CDH22: variants seen among roughly 807,000 people sequenced by gnomAD.
The protein encoded by CDH22 is cadherin-22.
CDH22 carries 30 observed loss-of-function variants against 58.4 expected under a neutral mutation model. The observed-to-expected ratio is 0.51, with a 90% CI of 0.38 to 0.70. The LOEUF (loss-of-function observed/expected upper bound fraction) is 0.70, where lower values mean the gene tolerates loss of function less well. Ranked by LOEUF, CDH22 falls within the 30% of genes least tolerant of loss-of-function variation. The pLI is 0.00. For synonymous variants in CDH22, 513 were observed against 558.2 expected, an observed-to-expected ratio of 0.92 and a Z score of 1.14; for missense variants, 1,014 against 1,233.9, an observed-to-expected ratio of 0.82 and a Z score of 2.67.
At chr20:46,189,572 G>A (rs1452685140) in intron 8 of CDH22, among the ~76,000 whole-genome samples, 4 of 152,272 alleles carry the variant, frequency 2.6e-5, no homozygotes, top group East Asian at 1.9e-4. Flanking sequence ...TGAGTGATCC[G>A]CTCCTGGATG....
intron 2 of CDH22, among the ~76,000 whole-genome samples, chr20:46,245,757 C>A (rs887113316): frequency 1.3e-5 from 2 of 152,192 alleles, no homozygotes; most frequent in African/African-American, 4.8e-5. Flanking sequence ...TACAGATGGA[C>A]AGTCGCTGGG....
At chr20:46,184,211 G>A (rs2085809153) in intron 10 of CDH22, among the ~76,000 whole-genome samples, 1 of 151,728 alleles carries the variant, frequency 6.6e-6, no homozygotes, top group South Asian at 2.1e-4. Flanking sequence ...CAATTCTCCT[G>A]CCTCAGCCTC....
chr20:46,242,628 G>A (rs2086300009), intron 2 of CDH22, among the ~76,000 whole-genome samples: 1 of 152,180 alleles, frequency 6.6e-6, no homozygotes, highest in East Asian at 1.9e-4. Flanking sequence ...GGCCAGGCAG[G>A]AACCCTTCAG....
At position 46,229,065 on chromosome 20, in the gene CDH22, T is replaced by A. The variant is rs144762837; in HGVS notation, c.551-1438A>T. Among the ~76,000 whole-genome samples the A allele has an allele frequency of 2.6e-5, 4 of 152,244 alleles. No individual in the cohort carries two copies. The East Asian group carries it at 7.7e-4, about 29-fold the overall frequency. On this transcript the variant is annotated intron_variant, in intron 3 of 11. Coordinates refer to ENST00000537909, the MANE Select transcript of CDH22 (RefSeq NM_021248.3). ...TCTCTTTGGCCACTCCAGCTCCATG[T>A]CAACCATGTCAGAGTTGACCAGAGA... is the stretch of plus-strand genomic sequence containing the variant.
chr20:46,210,534 C>T lies in CDH22; in HGVS notation c.1059G>A (p.Val353=). The change falls in exon 7 of 12, where the codon GTG becomes GTA. Residue 353 remains valine (V), a synonymous_variant. Coordinates refer to ENST00000537909, the MANE Select transcript of CDH22 (RefSeq NM_021248.3). This position sits in a 1 kb window ranked among gnomAD's most constrained non-coding sequence, Gnocchi z 4.5. ...TGAGGGCCTCCAGGATCACGGTGTG[C>T]ACGGGCTGGGATTCGAAGTCCAGGC... ...QKRLDFESQP[V]HTVILEALNK... is the part of the protein sequence containing the mutation. 1.4e-6 allele frequency: 2 copies of T among 1,431,304 alleles called. No individual in the cohort carries two copies. The highest frequency in any genetic ancestry group is 1.8e-6 in the Non-Finnish European group (2 of 1,089,572). 88.7% of individuals were successfully genotyped at this position (1,431,304 alleles called of 1,614,324 possible).
intron 1 of CDH22, among the ~76,000 whole-genome samples, chr20:46,274,815 ATGAGCCAGATGC>A (rs2086509284): frequency 7.4e-6 from 1 of 135,946 alleles, no homozygotes; most frequent in African/African-American, 2.7e-5. Flanking sequence ...GTGCAATGAA[ATGAGCCAGATGC>A]AAAAAAAAAA....
intron 6 of CDH22, among the ~76,000 whole-genome samples, chr20:46,212,212 G>A (rs1236553219): frequency 6.6e-6 from 1 of 152,184 alleles, no homozygotes; most frequent in Admixed American, 6.5e-5. Flanking sequence ...GACAGATGCC[G>A]GCTGAATGGG....
At position 46,241,128 on chromosome 20, in the gene CDH22, G is replaced by T; in HGVS notation, c.385C>A (p.Gln129Lys). The change falls in exon 3 of 12, where the codon CAG becomes AAG. Residue 129 changes from glutamine (Q) to lysine (K), a missense_variant. By Grantham distance (53) the Gln-to-Lys change is moderately conservative. Around this residue, in one of 2 missense-constraint regions of CDH22, gnomAD observed 806 missense variants for 1,038.7 expected, o/e 0.78. Transcript: ENST00000537909. The surrounding 1 kb of genome is among the most constrained non-coding windows in gnomAD (Gnocchi z 5.2). ...IHAMERLDRE[Q>K]KTFYTLRAQA... ...GCCCGCAGCGTGTAGAAGGTTTTCTGCTCGCGGTCCAGGCGCTCCATGGCA... is the reference window on the plus strand; with the variant it reads ...GCCCGCAGCGTGTAGAAGGTTTTCTTCTCGCGGTCCAGGCGCTCCATGGCA... 3.1e-6 allele frequency: 5 copies of T among 1,614,136 alleles called. No homozygotes were observed. The highest frequency in any genetic ancestry group is 4.2e-6 in the Non-Finnish European group (5 of 1,180,014).
At chr20:46,275,709 G>A (rs6032741) in intron 1 of CDH22, among the ~76,000 whole-genome samples, 2,701 of 152,148 alleles carry the variant, frequency 0.018, 47 homozygotes, top group Middle Eastern at 0.051. Flanking sequence ...CTCTGTGCCA[G>A]GAGCTGAGCC....
chr20:46,225,721 A>C (rs1411602141), intron 4 of CDH22, among the ~76,000 whole-genome samples: 2 of 152,302 alleles, frequency 1.3e-5, no homozygotes, highest in East Asian at 3.9e-4. Flanking sequence ...CTAAGATCTC[A>C]TAGGATGTAT....
chr20:46,286,259 A>G (rs1430435467), intron 1 of CDH22, among the ~76,000 whole-genome samples: 4 of 152,108 alleles, frequency 2.6e-5, no homozygotes, highest in Admixed American at 1.3e-4. Flanking sequence ...CTCAAGCTGG[A>G]TTTGAACCCA....
At chr20:46,304,891 C>G (rs2086667510) in intron 1 of CDH22, among the ~76,000 whole-genome samples, 1 of 152,134 alleles carries the variant, frequency 6.6e-6, no homozygotes, top group South Asian at 2.1e-4. Context: ...AGCCTTTTTG[C>G]AAATTAGAGA....
In CDH22 at chr20:46,199,921, TTC is replaced by T. The variant is rs967548608; in HGVS notation, c.1287-364_1287-363del. 3.1e-3 allele frequency among the ~76,000 whole-genome samples: 415 copies of T among 133,408 alleles called. 4 individuals are homozygous for T. The highest frequency in any genetic ancestry group is 0.012 in the African/African-American group (395 of 34,050). The allele number at this position is 133,408 out of a possible 152,430, so 87.5% of individuals were successfully genotyped here. On this transcript the variant is annotated intron_variant, in intron 7 of 11. Transcript: ENST00000537909. ...TTCTTTTCTTTTCTTCTTTCTTTCT[TTC>T]TCTCTCTTTCCTTCCTTCCTTCTTT...
chr20:46,221,268 GTTTT>G (rs1161830060), intron 4 of CDH22, among the ~76,000 whole-genome samples: 49 of 125,460 alleles, frequency 3.9e-4, no homozygotes, highest in African/African-American at 1.5e-3. Context: ...CAGGTTTTGG[GTTTT>G]TTTTTTTCTT....
chr20:46,254,001 C>A (rs1331074054), intron 1 of CDH22, among the ~76,000 whole-genome samples: 1 of 152,174 alleles, frequency 6.6e-6, no homozygotes, highest in Non-Finnish European at 1.5e-5. Context: ...GCAAGAGATC[C>A]ATTCATTCAG....
At position 46,308,433 on chromosome 20, in the gene CDH22, G is replaced by T; in HGVS notation, c.-578C>A. ...CGTGTGCGCGCGTGTGTGTGAGCGA[G>T]AGAGCGAGAGAGCGAGAGAGCGAGG... On this transcript the variant is annotated 5_prime_UTR_variant, in exon 1 of 12. Coordinates refer to ENST00000537909, the MANE Select transcript of CDH22 (RefSeq NM_021248.3). The surrounding 1 kb of genome is among the most constrained non-coding windows in gnomAD (Gnocchi z 4.3). 4.8e-6 allele frequency: 1 copy of T among 209,724 alleles called. No homozygotes were observed. Among genetic ancestry groups the T allele is most frequent in the South Asian group, 1.8e-4 (1 of 5,628 alleles). The allele number at this position is 209,724 out of a possible 1,614,324, so 13.0% of individuals were successfully genotyped here. A position where few individuals can be genotyped will look rare whatever the true frequency, so the allele number is the denominator to read the frequency against.
At chr20:46,236,254 GT>G (rs2086250672) in intron 3 of CDH22, among the ~76,000 whole-genome samples, 1 of 151,844 alleles carries the variant, frequency 6.6e-6, no homozygotes, top group African/African-American at 2.4e-5. Context: ...AGCAATTTGT[GT>G]TTTAACAAGC....
At position 46,226,231 on chromosome 20, in the gene CDH22, CCTTCTTCTT is replaced by C. The variant is rs74176857; in HGVS notation, c.670+1268_670+1276del. Among the ~76,000 whole-genome samples the C allele has an allele frequency of 7.8e-3, 674 of 86,592 alleles. 14 individuals carry two copies. Among genetic ancestry groups the C allele is most frequent in the Admixed American group, 9.1e-3 (82 of 8,994 alleles). The allele number at this position is 86,592 out of a possible 152,430, so 56.8% of individuals were successfully genotyped here. A position where few individuals can be genotyped will look rare whatever the true frequency, so the allele number is the denominator to read the frequency against. ...TCTCTGAAATCTTGGTCTGGCAACACCTTCTTCTTCTTCTTCTTCTTCTTCTTCTTCTTC... is the reference window on the plus strand; with the variant it reads ...TCTCTGAAATCTTGGTCTGGCAACACCTTCTTCTTCTTCTTCTTCTTCTTC... On this transcript the variant is annotated intron_variant, in intron 4 of 11. Transcript: ENST00000537909.
At chr20:46,198,915 C>A (rs1344946664) in intron 8 of CDH22, among the ~76,000 whole-genome samples, 2 of 152,142 alleles carry the variant, frequency 1.3e-5, no homozygotes, top group Non-Finnish European at 2.9e-5. Context: ...AGCAACGCAC[C>A]TCCTCCTCCC....
Sources: allele counts gnomAD v4.1 joint callset (sites outside exome capture counted in the v4.1 genomes callset), GRCh38; gene constraint gnomAD v4.1.1; regional missense constraint gnomAD v4.1.1; non-coding constraint Gnocchi (gnomAD v3.1); transcripts MANE v1.5; gene names NCBI Gene and HGNC (gene_info 2026-07-23, HGNC 2026-07-21).